The following SAMD12 variants were observed in gnomAD, a reference collection of about 807,000 sequenced individuals.
SAMD12 encodes sterile alpha motif domain containing 12, also known as sterile alpha motif domain-containing protein 12.
In SAMD12, 9 loss-of-function variants were observed where a neutral mutation model predicts 15.0. The ratio of observed to expected loss-of-function variants is 0.60; its 90% CI spans 0.36 to 1.05. SAMD12 has a LOEUF of 1.05. Ranked by LOEUF, SAMD12 falls within the 50% of genes least tolerant of loss-of-function variation. SAMD12 has a pLI of 0.01. For missense variants in SAMD12, 230 were observed against 234.2 expected, an observed-to-expected ratio of 0.98 and a Z score of 0.12; for synonymous variants, 86 against 90.1, an observed-to-expected ratio of 0.96 and a Z score of 0.25.
chr8:118,363,682 C>T (rs1172252886), intron 4 of SAMD12, among the ~76,000 whole-genome samples: 2 of 152,200 alleles, frequency 1.3e-5, no homozygotes, highest in African/African-American at 2.4e-5. Context: ...TCCATAATAA[C>T]ATCAGCAGAT....
At chr8:118,528,625 C>T (rs1257506737) in intron 2 of SAMD12, among the ~76,000 whole-genome samples, 4 of 152,180 alleles carry the variant, frequency 2.6e-5, no homozygotes, top group Admixed American at 2.6e-4. Flanking sequence ...TTGGTGTAGG[C>T]ATCTAAGAGA....
intron 4 of SAMD12, among the ~76,000 whole-genome samples, chr8:118,275,655 C>T (rs1347332486): frequency 2.6e-5 from 4 of 152,108 alleles, no homozygotes; most frequent in Non-Finnish European, 5.9e-5. Context: ...GATCTCATTA[C>T]CCAGGTAGTG....
chr8:118,502,592 G>C lies in SAMD12; in HGVS notation c.193-62631C>G, dbSNP rs62531884. Among the ~76,000 whole-genome samples the C allele has an allele frequency of 3.5e-3, 535 of 152,194 alleles. 1 individual carries two copies. Among genetic ancestry groups the C allele is most frequent in the Middle Eastern group, 0.01 (3 of 294 alleles). ...AATAGTCTCCAGTGGATACAAACCTGGAATATATTGAAGAGCACATTTTCA... is the reference window on the plus strand; with the variant it reads ...AATAGTCTCCAGTGGATACAAACCTCGAATATATTGAAGAGCACATTTTCA... On this transcript the variant is annotated intron_variant, in intron 2 of 3. Transcript: ENST00000314727.
the SAMD12 span, among the ~76,000 whole-genome samples, chr8:118,162,499 G>C: frequency 6.6e-6 from 1 of 151,912 alleles, no homozygotes; most frequent in Non-Finnish European, 1.5e-5. Context: ...AGAAGAAACA[G>C]ACTGGTAGAG....
intron 3 of SAMD12, among the ~76,000 whole-genome samples, chr8:118,398,175 T>A (rs773597881): frequency 1.3e-5 from 2 of 152,118 alleles, no homozygotes; most frequent in Non-Finnish European, 2.9e-5. Context: ...GCCGGGCAGA[T>A]CATTTGAGGT....
intron 2 of SAMD12, among the ~76,000 whole-genome samples, chr8:118,568,420 G>A (rs1402864551): frequency 6.6e-6 from 1 of 152,164 alleles, no homozygotes; most frequent in East Asian, 1.9e-4. Flanking sequence ...TAAGGACTTT[G>A]GCTTTAATTT....
At chr8:118,610,833 C>A (rs181334120) in intron 1 of SAMD12, among the ~76,000 whole-genome samples, 244 of 152,260 alleles carry the variant, frequency 1.6e-3, no homozygotes, top group African/African-American at 5.7e-3. Context: ...ACAAATTATG[C>A]CTGCAGTTGC....
At chr8:118,224,789 T>C (rs75227028) in intron 4 of SAMD12, among the ~76,000 whole-genome samples, 3,920 of 152,276 alleles carry the variant, frequency 0.026, 94 homozygotes, top group Middle Eastern at 0.051. Context: ...AGATGTGACT[T>C]TTTCTGTTTC....
intron 4 of SAMD12, among the ~76,000 whole-genome samples, chr8:118,269,232 G>GTT (rs1293355631): frequency 6.8e-6 from 1 of 146,876 alleles, no homozygotes; most frequent in Non-Finnish European, 1.5e-5. Context: ...GTGTGTGTGT[G>GTT]TGTGTGTGTG....
chr8:118,319,001 C>T (rs1192868192), intron 4 of SAMD12, among the ~76,000 whole-genome samples: 2 of 152,082 alleles, frequency 1.3e-5, no homozygotes, highest in African/African-American at 4.8e-5. Context: ...GCTGGACCAC[C>T]TTGCATGAGA....
intron 4 of SAMD12, among the ~76,000 whole-genome samples, chr8:118,200,592 A>T (rs960337889): frequency 2.0e-5 from 3 of 152,170 alleles, no homozygotes; most frequent in African/African-American, 7.2e-5. Flanking sequence ...AGTGATGGCC[A>T]AAGAAAAGAG....
chr8:118,505,058 A>G (rs1487879803), intron 2 of SAMD12, among the ~76,000 whole-genome samples: 1 of 152,208 alleles, frequency 6.6e-6, no homozygotes, highest in Admixed American at 6.5e-5. Flanking sequence ...GCTTTAAGCT[A>G]CCCAATTTGT....
exon 5 of SAMD12, chr8:118,193,914 T>C (rs1425203147): frequency 1.3e-5 from 2 of 152,174 alleles, no homozygotes; most frequent in Admixed American, 6.5e-5. Context: ...ACAAGTCTAG[T>C]TGTCAAGTAA....
chr8:118,502,835 C>T (rs1273444135), intron 2 of SAMD12, among the ~76,000 whole-genome samples: 4 of 152,114 alleles, frequency 2.6e-5, no homozygotes, highest in Non-Finnish European at 5.9e-5. Context: ...TTCTCTCAAA[C>T]GATAAAATGA....
chr8:118,400,085 C>T (rs1021914118), intron 3 of SAMD12, among the ~76,000 whole-genome samples: 1 of 152,196 alleles, frequency 6.6e-6, no homozygotes, highest in African/African-American at 2.4e-5. Flanking sequence ...GCATGATGTA[C>T]TTGAGCACCA....
At chr8:118,478,745 G>A (rs913648393) in intron 2 of SAMD12, among the ~76,000 whole-genome samples, 1 of 152,154 alleles carries the variant, frequency 6.6e-6, no homozygotes, top group Admixed American at 6.5e-5. Context: ...CTAGCTGCTT[G>A]GGGCAGTTTC....
chr8:118,266,260 G>T (rs954459394), intron 4 of SAMD12, among the ~76,000 whole-genome samples: 1 of 152,134 alleles, frequency 6.6e-6, no homozygotes, highest in South Asian at 2.1e-4. Context: ...AATTCAAGAT[G>T]AAATTTGGGT....
chr8:118,478,805 T>C (rs967061327), intron 2 of SAMD12, among the ~76,000 whole-genome samples: 1 of 152,182 alleles, frequency 6.6e-6, no homozygotes, highest in Non-Finnish European at 1.5e-5. Context: ...ATCTGTGCTG[T>C]TTCTCCCCAG....
intron 1 of SAMD12, among the ~76,000 whole-genome samples, chr8:118,618,428 G>A (rs1472806508): frequency 6.6e-6 from 1 of 152,158 alleles, no homozygotes; most frequent in South Asian, 2.1e-4. Flanking sequence ...GAAAATTCAG[G>A]ATATAAAACA....
Sources: gnomAD v4.1 joint callset for allele counts (sites outside exome capture counted in the v4.1 genomes callset) on GRCh38, gnomAD v4.1.1 for gene constraint, MANE v1.5 for transcripts, NCBI Gene and HGNC (gene_info 2026-07-23, HGNC 2026-07-21) for gene names.